Variants in AKAP13 observed in about 807,000 individuals in gnomAD.
The protein encoded by AKAP13 is A-kinase anchoring protein 13, also known as A-kinase anchor protein 13.
In AKAP13, 80 loss-of-function variants were observed where a neutral mutation model predicts 264.5. The ratio of observed to expected loss-of-function variants is 0.30; its 90% confidence interval spans 0.25 to 0.36. AKAP13 has a LOEUF of 0.36. Ranked by LOEUF, AKAP13 falls within the 10% of genes least tolerant of loss-of-function variation. The pLI is 1.00. For synonymous variants in AKAP13, 1,380 were observed against 1,250.2 expected (o/e 1.10, Z -2.19); for missense variants, 3,712 against 3,435.2 (o/e 1.08, Z -2.01).
chr15:85,707,897 A>G (rs1052643364), intron 17 of AKAP13, 122 bp from the exon 18 acceptor site: 1 of 889,572 alleles, frequency 1.1e-6, no homozygotes, highest in Non-Finnish European at 1.8e-6. Flanking sequence ...AATTTCAGTC[A>G]CATTCTCACA....
At chr15:85,668,070 TTG>T (rs2083702606) in intron 13 of AKAP13, among the ~76,000 whole-genome samples, 2 of 152,210 alleles carry the variant, frequency 1.3e-5, no homozygotes, top group Admixed American at 6.5e-5. Context: ...TTTGAGCTGC[TTG>T]TTTCACTCTG....
chr15:85,693,529 A>G, intron 17 of AKAP13, 78 bp downstream of exon 17: 1 of 1,569,396 alleles, frequency 6.4e-7, no homozygotes, highest in South Asian at 1.2e-5. Flanking sequence ...TCCTGTCCCC[A>G]CTCATTATCT....
rs1170178431 is a variant in AKAP13 at position 85,742,006 on chromosome 15, C to A, written c.8058+511C>A. ...ATTGCAGCGAGCCGAGATCTCGCCA[C>A]TGCACTCCAGCCTGAGCAACTCCGT... On this transcript the variant is annotated intron_variant, in intron 35 of 36. Transcript: ENST00000394518. 2.6e-5 allele frequency among the ~76,000 whole-genome samples: 4 copies of A among 152,194 alleles called. No homozygotes were observed. In the East Asian group the frequency reaches 7.7e-4, roughly 29 times the overall value.
At chr15:85,596,224 A>G (rs376013419) in intron 8 of AKAP13, among the ~76,000 whole-genome samples, 1 of 152,228 alleles carries the variant, frequency 6.6e-6, no homozygotes, top group East Asian at 1.9e-4. Context: ...GAGTAAGCCA[A>G]AATGTTTATT....
chr15:85,543,718 G>A, intron 4 of AKAP13, 54 bp from the exon 5 acceptor site: 1 of 1,532,900 alleles, frequency 6.5e-7, no homozygotes, highest in Non-Finnish European at 8.8e-7. Context: ...ATGTTTGTTT[G>A]TTTTTTGTTT....
chr15:85,413,291 C>T (rs758701360), intron 1 of AKAP13, among the ~76,000 whole-genome samples: 3 of 152,086 alleles, frequency 2.0e-5, no homozygotes, highest in East Asian at 1.9e-4. Context: ...CAGAACAGAC[C>T]GTAACTGGAA....
At chr15:85,685,714 A>G (rs185426211) in intron 16 of AKAP13, among the ~76,000 whole-genome samples, 3 of 152,236 alleles carry the variant, frequency 2.0e-5, no homozygotes, top group Admixed American at 6.5e-5. Context: ...GGCCGGTCTA[A>G]TGCCTTACCT....
intron 1 of AKAP13, among the ~76,000 whole-genome samples, chr15:85,398,809 G>T (rs190778921): frequency 1.3e-5 from 2 of 152,190 alleles, no homozygotes; most frequent in African/African-American, 2.4e-5. Flanking sequence ...ACGTGTTTCC[G>T]CCAGCCACCT....
chr15:85,393,598 T>G (rs939836164), intron 1 of AKAP13, among the ~76,000 whole-genome samples: 3 of 152,214 alleles, frequency 2.0e-5, no homozygotes, highest in African/African-American at 4.8e-5. Context: ...GAAGAAACTT[T>G]TGTGTGTTTA....
chr15:85,639,721 T>G (rs2082218754), intron 9 of AKAP13, among the ~76,000 whole-genome samples: 1 of 152,218 alleles, frequency 6.6e-6, no homozygotes, highest in Admixed American at 6.5e-5. Context: ...TGACATAGGA[T>G]TTTTAATCTG....
chr15:85,736,153 A>G lies in AKAP13; in HGVS notation c.7557+19A>G. On this transcript the variant is annotated intron_variant, in intron 33 of 36. Coordinates refer to ENST00000394518, the MANE Select transcript of AKAP13 (RefSeq NM_007200.5). Reference sequence around the variant, plus strand: ...CAGTGAGGTAAGGACATTATGAACTATTTAAGAAAATATGTGTTTGTTGTC... The same window carrying G: ...CAGTGAGGTAAGGACATTATGAACTGTTTAAGAAAATATGTGTTTGTTGTC... 6.4e-7 allele frequency: 1 copy of G among 1,570,998 alleles called. No homozygotes were observed. Among genetic ancestry groups the G allele is most frequent in the Non-Finnish European group, 8.7e-7 (1 of 1,145,086 alleles).
In AKAP13 at chr15:85,746,818, A is replaced by G. The variant is rs1362920414; in HGVS notation, c.*2141A>G. 2 of 152,176 alleles carry G rather than the reference A, an allele frequency of 1.3e-5. No homozygotes were observed. The highest frequency in any genetic ancestry group is 4.8e-5 in the African/African-American group (2 of 41,444). 9.4% of individuals were successfully genotyped at this position (152,176 alleles called of 1,614,324 possible). A position where few individuals can be genotyped will look rare whatever the true frequency, so the allele number is the denominator to read the frequency against. On this transcript the variant is annotated 3_prime_UTR_variant, in exon 37 of 37. Transcript: ENST00000394518. Reference sequence around the variant, plus strand: ...TGCAGGAGGGCAGTACTGAACCTGCATTCTTCTCCTTGTAAATGTAGGCCG... The same window carrying G: ...TGCAGGAGGGCAGTACTGAACCTGCGTTCTTCTCCTTGTAAATGTAGGCCG...
chr15:85,736,233 CAA>C, intron 33 of AKAP13, 99 bp downstream of exon 33: 1 of 993,552 alleles, frequency 1.0e-6, no homozygotes, highest in Non-Finnish European at 1.5e-6. Flanking sequence ...TTTGCTGTTA[CAA>C]AGAGGCTAAC....
chr15:85,575,193 G>A lies in AKAP13; in HGVS notation c.725G>A (p.Cys242Tyr), dbSNP rs1299413977. Reference protein sequence around the residue: ...SLSYEIPYGDCSVRHHRELDI... With the variant: ...SLSYEIPYGDYSVRHHRELDI... ...TCCTATGAAATACCGTATGGAGACT[G>A]TTCTGTGAGGCATCATCGAGAGTTG... Residue 242 changes from cysteine to tyrosine, a missense_variant, in exon 6 of 37, where the codon TGT (cysteine) becomes TAT (tyrosine). Cys to Tyr is a radical substitution (Grantham distance 194). This residue lies in a region of AKAP13 where 2,759 missense variants were observed against 2,411.7 expected (regional missense o/e 1.14). Transcript: ENST00000394518. 1.9e-6 allele frequency: 3 copies of A among 1,614,008 alleles called. No homozygotes were observed. The highest frequency in any genetic ancestry group is 2.5e-6 in the Non-Finnish European group (3 of 1,180,032).
At chr15:85,541,992 T>C (rs532521140) in intron 4 of AKAP13, among the ~76,000 whole-genome samples, 2 of 152,032 alleles carry the variant, frequency 1.3e-5, no homozygotes, top group Non-Finnish European at 2.9e-5. Context: ...AGAAGAGTGG[T>C]TGTGGGAGGG....
chr15:85,601,560 C>T (rs868125791), intron 8 of AKAP13, among the ~76,000 whole-genome samples: 1 of 150,786 alleles, frequency 6.6e-6, no homozygotes, highest in Non-Finnish European at 1.5e-5. Flanking sequence ...TCACATTAAA[C>T]TGCCAATTTA....
chr15:85,464,102 G>A (rs984518705), intron 1 of AKAP13, among the ~76,000 whole-genome samples: 2 of 152,060 alleles, frequency 1.3e-5, no homozygotes, highest in African/African-American at 2.4e-5. Context: ...CCCACACGGC[G>A]TCTATGATCC....
At chr15:85,602,562 C>T (rs1408203264) in intron 8 of AKAP13, among the ~76,000 whole-genome samples, 1 of 152,120 alleles carries the variant, frequency 6.6e-6, no homozygotes, top group Non-Finnish European at 1.5e-5. Flanking sequence ...TCTTGGCTCA[C>T]TGCCACCCCC....
intron 5 of AKAP13, among the ~76,000 whole-genome samples, chr15:85,548,383 G>T (rs2077828471): frequency 6.6e-6 from 1 of 152,116 alleles, no homozygotes; most frequent in African/African-American, 2.4e-5. Flanking sequence ...TATTTTTGTG[G>T]AGCAAATAAA....
Sources: gnomAD v4.1 joint callset for allele counts (sites outside exome capture counted in the v4.1 genomes callset) on GRCh38, gnomAD v4.1.1 for gene constraint, gnomAD v4.1.1 regional missense constraint, MANE v1.5 for transcripts, NCBI Gene and HGNC (gene_info 2026-07-23, HGNC 2026-07-21) for gene names.